The following SH3RF3 variants were observed in gnomAD, a reference collection of about 807,000 sequenced individuals.
SH3RF3 encodes E3 ubiquitin-protein ligase SH3RF3.
In SH3RF3, 29 loss-of-function variants were observed where a neutral mutation model predicts 66.3. The ratio of observed to expected loss-of-function variants is 0.44; its 90% confidence interval spans 0.33 to 0.60. SH3RF3 has a LOEUF of 0.60. SH3RF3 is among the 20% of genes least tolerant of loss of function. SH3RF3 has a pLI of 0.04. For missense variants in SH3RF3, 1,194 were observed against 1,190.9 expected, an observed-to-expected ratio of 1.00 and a Z score of -0.04; for synonymous variants, 583 against 532.0, an observed-to-expected ratio of 1.10 and a Z score of -1.32.
At chr2:109,439,682 G>T (rs1239688957) in intron 7 of SH3RF3, among the ~76,000 whole-genome samples, 1 of 152,074 alleles carries the variant, frequency 6.6e-6, no homozygotes, top group East Asian at 1.9e-4. Flanking sequence ...GCACACTCCT[G>T]TCTGTGCTTA....
intron 1 of SH3RF3, among the ~76,000 whole-genome samples, chr2:109,168,860 C>G (rs139247786): frequency 1.3e-5 from 2 of 152,344 alleles, no homozygotes; most frequent in South Asian, 2.1e-4. Flanking sequence ...TCTTTGGAAA[C>G]AAATGAATGG....
chr2:109,350,291 G>A (rs755166165), intron 2 of SH3RF3, among the ~76,000 whole-genome samples: 4 of 152,208 alleles, frequency 2.6e-5, no homozygotes, highest in Non-Finnish European at 4.4e-5. Context: ...GGTCAGAGGC[G>A]CCAGCCACGG....
At chr2:109,331,297 A>C (rs142954029) in intron 1 of SH3RF3, among the ~76,000 whole-genome samples, 1 of 152,106 alleles carries the variant, frequency 6.6e-6, no homozygotes, top group Non-Finnish European at 1.5e-5. Context: ...GGAATTGGCC[A>C]TCAAATGAGT....
chr2:109,140,241 G>C (rs1458908878), intron 1 of SH3RF3, among the ~76,000 whole-genome samples: 1 of 152,196 alleles, frequency 6.6e-6, no homozygotes, highest in Non-Finnish European at 1.5e-5. Context: ...GCACGTGTTT[G>C]GAGTTCTCTC....
At chr2:109,353,648 C>T (rs1426049570) in intron 2 of SH3RF3, among the ~76,000 whole-genome samples, 1 of 152,142 alleles carries the variant, frequency 6.6e-6, no homozygotes, top group Non-Finnish European at 1.5e-5. Flanking sequence ...GCTTCTTGGT[C>T]CATTCCTTCA....
chr2:109,204,868 G>C (rs1476514215), intron 1 of SH3RF3, among the ~76,000 whole-genome samples: 12 of 152,274 alleles, frequency 7.9e-5, no homozygotes, highest in South Asian at 6.2e-4. Flanking sequence ...TAAACTAAAG[G>C]CTTTTTTGTG....
At chr2:109,339,128 G>A (rs1345979585) in intron 1 of SH3RF3, among the ~76,000 whole-genome samples, 1 of 152,148 alleles carries the variant, frequency 6.6e-6, no homozygotes, top group Non-Finnish European at 1.5e-5. Context: ...GGAGGGGTTG[G>A]CTTTGCTGTC....
chr2:109,491,051 G>A (rs1037179377), intron 9 of SH3RF3, 115 bp downstream of exon 9: 18 of 996,338 alleles, frequency 1.8e-5, no homozygotes, highest in Non-Finnish European at 2.3e-5. Flanking sequence ...TTTACCAGAT[G>A]TACCTCAACA....
At chr2:109,133,158 T>A (rs566341818) in intron 1 of SH3RF3, among the ~76,000 whole-genome samples, 2 of 152,304 alleles carry the variant, frequency 1.3e-5, no homozygotes, top group South Asian at 4.1e-4. Context: ...CCGGTGTCAC[T>A]CCAGAATTCT....
At chr2:109,324,689 C>T (rs1457220860) in intron 1 of SH3RF3, among the ~76,000 whole-genome samples, 2 of 152,198 alleles carry the variant, frequency 1.3e-5, no homozygotes, top group Non-Finnish European at 2.9e-5. Context: ...GATCCCAAAG[C>T]TGTGGATCCC....
intron 1 of SH3RF3, among the ~76,000 whole-genome samples, chr2:109,292,090 C>G (rs932011289): frequency 3.9e-5 from 6 of 152,206 alleles, no homozygotes; most frequent in Non-Finnish European, 5.9e-5. Context: ...GTCTCGATCT[C>G]CTGACCTCGT....
chr2:109,430,062 G>A (rs1677150497), intron 5 of SH3RF3, among the ~76,000 whole-genome samples: 1 of 152,210 alleles, frequency 6.6e-6, no homozygotes, highest in African/African-American at 2.4e-5. Flanking sequence ...GTGAGCTGTG[G>A]TCAGCAGCTA....
intron 6 of SH3RF3, among the ~76,000 whole-genome samples, chr2:109,435,763 T>A (rs573358672): frequency 6.6e-6 from 1 of 152,364 alleles, no homozygotes; most frequent in African/African-American, 2.4e-5. Flanking sequence ...GAGCCCACTT[T>A]ATTTAGTTTT....
intron 8 of SH3RF3, among the ~76,000 whole-genome samples, chr2:109,459,947 G>A (rs1173908788): frequency 3.9e-5 from 6 of 152,210 alleles, no homozygotes; most frequent in Non-Finnish European, 1.5e-5. Context: ...CTGATTCAGA[G>A]CATACCCAGC....
At position 109,501,764 on chromosome 2, in the gene SH3RF3, T is replaced by C. The variant is rs1281729502; in HGVS notation, c.*93T>C. On this transcript the variant is annotated 3_prime_UTR_variant, in exon 10 of 10. Transcript: ENST00000309415. ...GAGGGAGCCATGGCGCCCCAAGGGT[T>C]CCAGGTCATCTCCAAGGCACCTGGC... 4.6e-6 allele frequency: 3 copies of C among 655,306 alleles called. No homozygotes were observed. The highest frequency in any genetic ancestry group is 8.3e-6 in the Non-Finnish European group (3 of 359,342). 40.6% of individuals were successfully genotyped at this position (655,306 alleles called of 1,614,324 possible).
chr2:109,401,017 G>A lies in SH3RF3; in HGVS notation c.1299+2074G>A, dbSNP rs191467420. Among the ~76,000 whole-genome samples the A allele has an allele frequency of 1.2e-4, 18 of 152,308 alleles. No homozygotes were observed. The South Asian group carries it at 2.1e-3, about 18-fold the overall frequency. ...GGGAGGGGCATGGTGACCCAGTGGCGGACCAGTGTGGCTGTGCTCCCTGTG... is the reference window on the plus strand; with the variant it reads ...GGGAGGGGCATGGTGACCCAGTGGCAGACCAGTGTGGCTGTGCTCCCTGTG... On this transcript the variant is annotated intron_variant, in intron 4 of 9. Transcript: ENST00000309415.
chr2:109,181,901 T>C (rs1181006573), intron 1 of SH3RF3, among the ~76,000 whole-genome samples: 2 of 152,218 alleles, frequency 1.3e-5, no homozygotes, highest in Non-Finnish European at 2.9e-5. Context: ...CTGGTTTTCC[T>C]TTTAGGCTTT....
chr2:109,400,769 G>C (rs952167801), intron 4 of SH3RF3, among the ~76,000 whole-genome samples: 1 of 152,204 alleles, frequency 6.6e-6, no homozygotes, highest in Non-Finnish European at 1.5e-5. Flanking sequence ...AATGGGTGCT[G>C]TAGTGTCTGG....
At chr2:109,345,919 C>T (rs1221295689) in intron 1 of SH3RF3, among the ~76,000 whole-genome samples, 1 of 152,188 alleles carries the variant, frequency 6.6e-6, no homozygotes, top group African/African-American at 2.4e-5. Flanking sequence ...TAGCACCCCA[C>T]CTTCCGGTTG....
Sources: allele counts gnomAD v4.1 joint callset (sites outside exome capture counted in the v4.1 genomes callset), GRCh38; gene constraint gnomAD v4.1.1; transcripts MANE v1.5; gene names NCBI Gene and HGNC (gene_info 2026-07-23, HGNC 2026-07-21).